DOCK4: variants seen among roughly 807,000 people sequenced by gnomAD.
DOCK4 encodes dedicator of cytokinesis protein 4.
In DOCK4, 97 loss-of-function variants were observed where a neutral mutation model predicts 268.1. The ratio of observed to expected loss-of-function variants is 0.36; its 90% confidence interval spans 0.31 to 0.43. The LOEUF is 0.43. Among genes scored for constraint, DOCK4 ranks in the 20% least tolerant of loss-of-function variants. The pLI is 1.00. For synonymous variants in DOCK4, 954 were observed against 887.2 expected (o/e 1.08, Z -1.34); for missense variants, 2,145 against 2,455.7 (o/e 0.87, Z 2.67).
intron 30 of DOCK4, among the ~76,000 whole-genome samples, chr7:111,806,330 T>C (rs559673392): frequency 5.7e-4 from 87 of 152,324 alleles, no homozygotes; most frequent in African/African-American, 1.9e-3. Flanking sequence ...TTCTCCTCAT[T>C]TTATAAAAAT....
chr7:112,014,395 G>T lies in DOCK4; in HGVS notation c.38-10264C>A, dbSNP rs538719667. On this transcript the variant is annotated intron_variant, in intron 1 of 52. Transcript: ENST00000428084. ...GAAGGGACTAGTATTCCAACCAGCA[G>T]AGCACCTAGAAATGAGGATCTCTTA... Among the ~76,000 whole-genome samples, 4 of 152,264 alleles carry T rather than the reference G, an allele frequency of 2.6e-5. No homozygotes were observed. The South Asian group carries it at 8.3e-4, about 32-fold the overall frequency.
chr7:112,123,630 G>C (rs766396980), intron 1 of DOCK4, among the ~76,000 whole-genome samples: 1 of 152,134 alleles, frequency 6.6e-6, no homozygotes, highest in South Asian at 2.1e-4. Context: ...TTCTAAATGA[G>C]TCTATCCAAT....
intron 1 of DOCK4, among the ~76,000 whole-genome samples, chr7:112,173,001 G>A (rs1563155867): frequency 1.3e-5 from 2 of 152,090 alleles, no homozygotes; most frequent in South Asian, 2.1e-4. Context: ...GCTTAATCAC[G>A]TCGTGTGAGC....
chr7:111,847,017 A>C lies in DOCK4; in HGVS notation c.2583T>G (p.Leu861=). The change falls in exon 24 of 53, where the codon CTT becomes CTG. Residue 861 remains leucine, a synonymous_variant. Coordinates refer to ENST00000428084, the MANE Select transcript of DOCK4 (RefSeq NM_001363540.2). ...TACTTACTGAGCTATTTTTCTTGAT[A>C]AGACAAAATACGTTGCTAAGGATAC... ...CARILSNVFC[L]IKKNSSEKSV... is the part of the protein sequence containing the mutation. 1 of 1,613,680 alleles carries C rather than the reference A, an allele frequency of 6.2e-7. No homozygotes were observed. Among genetic ancestry groups the C allele is most frequent in the East Asian group, 2.2e-5 (1 of 44,856 alleles).
chr7:111,812,012 G>T (rs1801174172), intron 27 of DOCK4, 63 bp from the exon 28 acceptor site: 1 of 871,014 alleles, frequency 1.1e-6, no homozygotes, highest in Non-Finnish European at 1.7e-6. Context: ...TAGTATACAA[G>T]AATAAAAACC....
chr7:112,154,053 C>T (rs1816359516), intron 1 of DOCK4, among the ~76,000 whole-genome samples: 1 of 152,072 alleles, frequency 6.6e-6, no homozygotes, highest in East Asian at 1.9e-4. Context: ...CTCACTGCAA[C>T]CTTGACCTCC....
intron 8 of DOCK4, among the ~76,000 whole-genome samples, chr7:111,950,013 G>A (rs1428621238): frequency 1.3e-5 from 2 of 152,056 alleles, no homozygotes; most frequent in Non-Finnish European, 2.9e-5. Context: ...TGCAACCTCC[G>A]CCTCCCAGGT....
intron 1 of DOCK4, among the ~76,000 whole-genome samples, chr7:112,129,458 C>T (rs926162581): frequency 6.6e-6 from 1 of 151,918 alleles, no homozygotes; most frequent in African/African-American, 2.4e-5. Context: ...TTATTGTGGT[C>T]GTTACATATA....
chr7:111,930,200 T>C (rs947953247), intron 12 of DOCK4, among the ~76,000 whole-genome samples: 1 of 152,232 alleles, frequency 6.6e-6, no homozygotes, highest in Non-Finnish European at 1.5e-5. Context: ...TATATCTAAC[T>C]GTGAAGATAT....
intron 42 of DOCK4, among the ~76,000 whole-genome samples, chr7:111,751,474 T>C (rs1289714568): frequency 1.3e-5 from 2 of 152,112 alleles, no homozygotes; most frequent in African/African-American, 2.4e-5. Context: ...ACAGTCTCAC[T>C]TGTTCTGTTG....
At chr7:111,789,162 T>C (rs1799370142) in intron 31 of DOCK4, 1 of 192,652 alleles carries the variant, frequency 5.2e-6, no homozygotes, top group African/African-American at 2.3e-5. Context: ...TTGATGTGTT[T>C]TATATCTATT....
chr7:111,932,507 C>A (rs1257163967), intron 12 of DOCK4, among the ~76,000 whole-genome samples: 3 of 151,912 alleles, frequency 2.0e-5, no homozygotes, highest in Admixed American at 6.6e-5. Flanking sequence ...TCCATAAGAA[C>A]TTAAAAAAAT....
intron 1 of DOCK4, among the ~76,000 whole-genome samples, chr7:112,159,741 C>A (rs1366959811): frequency 2.0e-5 from 3 of 149,794 alleles, no homozygotes; most frequent in Admixed American, 2.0e-4. Context: ...TTTGGGGTAA[C>A]TGCATATACC....
chr7:112,131,932 C>T (rs1443691767), intron 1 of DOCK4, among the ~76,000 whole-genome samples: 8 of 152,100 alleles, frequency 5.3e-5, no homozygotes. Context: ...GGAAAATATG[C>T]AGGGTCTGGA....
intron 42 of DOCK4, among the ~76,000 whole-genome samples, chr7:111,755,208 A>G (rs533987625): frequency 6.6e-6 from 1 of 152,230 alleles, no homozygotes; most frequent in Non-Finnish European, 1.5e-5. Flanking sequence ...TAAGCACTGA[A>G]GGTCACACAG....
chr7:111,798,849 T>A (rs944026549), intron 30 of DOCK4, among the ~76,000 whole-genome samples: 39 of 152,252 alleles, frequency 2.6e-4, no homozygotes, highest in Non-Finnish European at 4.8e-4. Context: ...TCCATGCTCA[T>A]GTTGCCATTT....
intron 20 of DOCK4, 59 bp downstream of exon 20, chr7:111,871,931 T>G (rs1166742806): frequency 1.5e-6 from 2 of 1,375,824 alleles, no homozygotes; most frequent in Non-Finnish European, 2.0e-6. Flanking sequence ...TCGCCTCTTC[T>G]GCTGAGAAAA....
At chr7:112,059,738 A>C (rs529673300) in intron 1 of DOCK4, among the ~76,000 whole-genome samples, 3 of 152,108 alleles carry the variant, frequency 2.0e-5, no homozygotes, top group Non-Finnish European at 2.9e-5. Flanking sequence ...AAGAGGGGGG[A>C]AAAAGTCATG....
intron 8 of DOCK4, among the ~76,000 whole-genome samples, chr7:111,951,266 C>T (rs1273604648): frequency 1.3e-5 from 2 of 152,150 alleles, no homozygotes; most frequent in African/African-American, 2.4e-5. Flanking sequence ...GTGCCAGACC[C>T]TATGACTTAT....
Sources: allele counts gnomAD v4.1 joint callset (sites outside exome capture counted in the v4.1 genomes callset), GRCh38; gene constraint gnomAD v4.1.1; transcripts MANE v1.5; gene names NCBI Gene and HGNC (gene_info 2026-07-23, HGNC 2026-07-21).